CXADR: variants seen among roughly 807,000 people sequenced by gnomAD.
CXADR encodes the protein CXADR cell adhesion molecule, also known as coxsackievirus and adenovirus receptor.
A neutral mutation model predicts 40.3 loss-of-function variants in CXADR; 20 were observed. That is an observed-to-expected ratio of 0.50 (90% CI 0.35 to 0.72). The LOEUF (loss-of-function observed/expected upper bound fraction) is 0.72. Ranked by LOEUF, CXADR falls within the 30% of genes least tolerant of loss-of-function variation. CXADR has a pLI of 0.01. For synonymous variants in CXADR, 150 were observed against 161.3 expected (o/e 0.93, Z 0.53); for missense variants, 332 against 449.1 (o/e 0.74, Z 2.36).
chr21:17,620,715 T>C, the CXADR span, among the ~76,000 whole-genome samples: 3,688 of 151,260 alleles, frequency 0.024, 151 homozygotes, highest in African/African-American at 0.082. Context: ...GGTTCAGAAA[T>C]AACGTAAAAA....
At chr21:17,582,074 G>A (rs1467727504) in intron 7 of CXADR, among the ~76,000 whole-genome samples, 2 of 107,758 alleles carry the variant, frequency 1.9e-5, no homozygotes, top group Admixed American at 2.3e-4. Context: ...CTCCTGAGTG[G>A]CTGGGATTAC....
chr21:17,531,885 C>T (rs541276873), intron 1 of CXADR, among the ~76,000 whole-genome samples: 8 of 151,454 alleles, frequency 5.3e-5, no homozygotes, highest in East Asian at 3.9e-4. Flanking sequence ...GCTTGAGCTA[C>T]GGTACCTAGG....
rs185943505 is a variant in CXADR at position 17,569,694 on chromosome 21, A to G, written c.*4002A>G. 3.0e-5 allele frequency: 29 copies of G among 967,908 alleles called. No individual in the cohort carries two copies. Among genetic ancestry groups the G allele is most frequent in the Admixed American group, 2.5e-4 (4 of 16,268 alleles). The allele number at this position is 967,908 out of a possible 1,614,324, so 60.0% of individuals were successfully genotyped here. A position where few individuals can be genotyped will look rare whatever the true frequency, so the allele number is the denominator to read the frequency against. ...CTCTTATTCATTATGGTTAACTTTT[A>G]TAATTTATCTTATTTTATAATTTAA... On this transcript the variant is annotated 3_prime_UTR_variant, in exon 7 of 7. Coordinates refer to ENST00000284878, the MANE Select transcript of CXADR (RefSeq NM_001338.5).
In CXADR at chr21:17,567,460, G is replaced by T. The variant is rs937682940; in HGVS notation, c.*1768G>T. 7.1e-6 allele frequency: 7 copies of T among 985,220 alleles called. No individual in the cohort carries two copies. Among genetic ancestry groups the T allele is most frequent in the Non-Finnish European group, 7.2e-6 (6 of 829,874 alleles). 61.0% of individuals were successfully genotyped at this position (985,220 alleles called of 1,614,324 possible). A position where few individuals can be genotyped will look rare whatever the true frequency, so the allele number is the denominator to read the frequency against. ...ATGAATTTCTGGTGCCTATGAGCTA[G>T]CTATCACCTACCTGAAAGGTGCTTA... is the stretch of plus-strand genomic sequence containing the variant. On this transcript the variant is annotated 3_prime_UTR_variant, in exon 7 of 7. Coordinates refer to ENST00000284878, the MANE Select transcript of CXADR (RefSeq NM_001338.5).
the CXADR span, among the ~76,000 whole-genome samples, chr21:17,615,722 A>G: frequency 1.3e-5 from 2 of 152,144 alleles, no homozygotes; most frequent in Non-Finnish European, 2.9e-5. Flanking sequence ...TTGTGTGTTA[A>G]TGGTGTAGTT....
intron 6 of CXADR, 71 bp downstream of exon 6, chr21:17,561,547 T>G (rs1357295555): frequency 5.3e-6 from 7 of 1,324,328 alleles, no homozygotes; most frequent in Non-Finnish European, 1.0e-6. Flanking sequence ...ATTCGTTCTC[T>G]TATTAACCAC....
At chr21:17,522,096 T>G (rs1158171994) in intron 1 of CXADR, among the ~76,000 whole-genome samples, 1 of 152,102 alleles carries the variant, frequency 6.6e-6, no homozygotes, top group Non-Finnish European at 1.5e-5. Context: ...GATTCTTCTA[T>G]CTCAGCCCTC....
chr21:17,514,966 G>T (rs1910582056), intron 1 of CXADR, among the ~76,000 whole-genome samples: 1 of 151,248 alleles, frequency 6.6e-6, no homozygotes, highest in Non-Finnish European at 1.5e-5. Context: ...TTAGATAATT[G>T]GATTTAATTT....
intron 7 of CXADR, among the ~76,000 whole-genome samples, chr21:17,589,280 ATTGT>A (rs1427905393): frequency 6.6e-6 from 1 of 152,074 alleles, no homozygotes; most frequent in Non-Finnish European, 1.5e-5. Context: ...CCACATTGCA[ATTGT>A]TTAATTCAGA....
chr21:17,549,467 G>C (rs2060938962), intron 2 of CXADR, among the ~76,000 whole-genome samples: 1 of 152,202 alleles, frequency 6.6e-6, no homozygotes, highest in Non-Finnish European at 1.5e-5. Flanking sequence ...ATCATGTACT[G>C]TGCCAAGTTA....
intron 4 of CXADR, among the ~76,000 whole-genome samples, chr21:17,560,403 T>A (rs2061100237): frequency 6.6e-6 from 1 of 152,212 alleles, no homozygotes; most frequent in Non-Finnish European, 1.5e-5. Flanking sequence ...GTAGCGTTTA[T>A]AGTCTTATGT....
chr21:17,616,056 G>T, the CXADR span, among the ~76,000 whole-genome samples: 7 of 152,028 alleles, frequency 4.6e-5, no homozygotes. Flanking sequence ...TTTGAGACCA[G>T]CCTGGCCAAC....
At chr21:17,602,641 A>C in the CXADR span, among the ~76,000 whole-genome samples, 1 of 152,206 alleles carries the variant, frequency 6.6e-6, no homozygotes, top group Non-Finnish European at 1.5e-5. Context: ...AAAAAATCAC[A>C]TCAGAGCCAA....
chr21:17,589,049 C>G (rs767102955), intron 7 of CXADR, among the ~76,000 whole-genome samples: 10 of 151,714 alleles, frequency 6.6e-5, no homozygotes, highest in Non-Finnish European at 2.9e-5. Context: ...TTTTCTTTCA[C>G]TTTTCTTTTT....
At chr21:17,608,923 C>G in the CXADR span, 1 of 1,563,270 alleles carries the variant, frequency 6.4e-7, no homozygotes, top group South Asian at 1.2e-5. Context: ...GGCCTTGAAC[C>G]CACCTCAGGG....
At chr21:17,536,491 G>C (rs1160923105) in intron 1 of CXADR, among the ~76,000 whole-genome samples, 1 of 152,064 alleles carries the variant, frequency 6.6e-6, no homozygotes, top group Admixed American at 6.6e-5. Context: ...TCTGCCTTCA[G>C]ATAGCTCCTT....
chr21:17,513,093 C>T lies in CXADR; in HGVS notation c.-37C>T, dbSNP rs559374266. 1.5e-6 allele frequency: 2 copies of T among 1,340,690 alleles called. No individual in the cohort carries two copies. Among genetic ancestry groups the T allele is most frequent in the African/African-American group, 1.5e-5 (1 of 65,128 alleles). The allele number at this position is 1,340,690 out of a possible 1,614,324, so 83.0% of individuals were successfully genotyped here. ...AGCCTGGGACCAGGAGCGAGAGCCG[C>T]CTACCTGCAGCCGCCGCCCACGGCA... is the stretch of plus-strand genomic sequence containing the variant. On this transcript the variant is annotated 5_prime_UTR_variant, in exon 1 of 7. Transcript: ENST00000284878.
At chr21:17,621,004 T>C in the CXADR span, among the ~76,000 whole-genome samples, 5,159 of 152,274 alleles carry the variant, frequency 0.034, 105 homozygotes, top group Middle Eastern at 0.065. Flanking sequence ...CAGAATTTCT[T>C]CTCTAAAAAA....
chr21:17,611,051 G>C, the CXADR span, among the ~76,000 whole-genome samples: 2 of 152,154 alleles, frequency 1.3e-5, no homozygotes, highest in Non-Finnish European at 2.9e-5. Context: ...AGCAGGCACC[G>C]GGCATGGGTC....
Sources: allele counts gnomAD v4.1 joint callset (sites outside exome capture counted in the v4.1 genomes callset), GRCh38; gene constraint gnomAD v4.1.1; transcripts MANE v1.5; gene names NCBI Gene and HGNC (gene_info 2026-07-23, HGNC 2026-07-21).